The following LEPR variants were observed in gnomAD, a reference collection of about 807,000 sequenced individuals.
The protein encoded by LEPR is leptin receptor.
In LEPR, 56 loss-of-function variants were observed where a neutral mutation model predicts 114.7. That is an observed-to-expected ratio of 0.49 (90% CI 0.39 to 0.61). The LOEUF (loss-of-function observed/expected upper bound fraction) is 0.61. Among genes scored for constraint, LEPR ranks in the 20% least tolerant of loss-of-function variants. The probability of loss-of-function intolerance (pLI) is 0.00; values close to 1 mark genes in which losing one functional copy is unlikely to be tolerated. For missense variants in LEPR, 1,202 were observed against 1,352.9 expected, an observed-to-expected ratio of 0.89 and a Z score of 1.75; for synonymous variants, 443 against 461.4, an observed-to-expected ratio of 0.96 and a Z score of 0.51.
intron 2 of LEPR, among the ~76,000 whole-genome samples, chr1:65,563,251 T>C (rs1323949359): frequency 1.1e-5 from 1 of 91,652 alleles, no homozygotes; most frequent in African/African-American, 4.3e-5. Context: ...CTTTGCTCAT[T>C]TCTTTTTATT....
In LEPR at chr1:65,546,601, T is replaced by G. The variant is rs139312264; in HGVS notation, c.-20-18945T>G. 6.7e-3 allele frequency among the ~76,000 whole-genome samples: 1,021 copies of G among 152,326 alleles called. 9 individuals are homozygous for G. The highest frequency in any genetic ancestry group is 0.011 in the Non-Finnish European group (780 of 68,020). ...AATGGGAGTTCACTCATGATTTGGC[T>G]CTCTGTTTGTCTGTTATTGGTGTAT... On this transcript the variant is annotated intron_variant, in intron 2 of 19. Transcript: ENST00000349533.
intron 1 of LEPR, among the ~76,000 whole-genome samples, chr1:65,421,136 TG>T (rs1570405301): frequency 6.6e-6 from 1 of 152,344 alleles, no homozygotes; most frequent in East Asian, 1.9e-4. Context: ...AAGGACCCTT[TG>T]TCTCCAGCGT....
intron 1 of LEPR, among the ~76,000 whole-genome samples, chr1:65,422,985 G>C (rs1192172629): frequency 6.6e-6 from 1 of 152,196 alleles, no homozygotes; most frequent in Non-Finnish European, 1.5e-5. Context: ...CTGTAGCAGA[G>C]AGTTTAAGAA....
At chr1:65,458,110 C>A (rs1646900407) in intron 2 of LEPR, among the ~76,000 whole-genome samples, 1 of 152,198 alleles carries the variant, frequency 6.6e-6, no homozygotes, top group African/African-American at 2.4e-5. Context: ...AGGAAATCCA[C>A]AAACCTCAAA....
intron 14 of LEPR, among the ~76,000 whole-genome samples, chr1:65,611,377 G>A (rs897752105): frequency 2.6e-5 from 4 of 152,202 alleles, no homozygotes; most frequent in Admixed American, 6.5e-5. Context: ...CACCGCGGAA[G>A]GGGGCACTGC....
intron 2 of LEPR, chr1:65,435,729 A>G (rs1451685680): frequency 1.0e-6 from 1 of 985,290 alleles, no homozygotes; most frequent in Non-Finnish European, 1.2e-6. Flanking sequence ...CAAAATATTT[A>G]TGAGGATGCT....
intron 2 of LEPR, among the ~76,000 whole-genome samples, chr1:65,461,581 G>C (rs1646946434): frequency 6.6e-6 from 1 of 152,124 alleles, no homozygotes; most frequent in Admixed American, 6.5e-5. Context: ...ATAAATGATT[G>C]AATAAATAAA....
intron 14 of LEPR, among the ~76,000 whole-genome samples, chr1:65,613,246 T>G (rs928007236): frequency 6.6e-6 from 1 of 152,206 alleles, no homozygotes; most frequent in African/African-American, 2.4e-5. Flanking sequence ...CTCTTTTAAT[T>G]GACTCATGTT....
In LEPR at chr1:65,535,594, T is replaced by C. The variant is rs9887835; in HGVS notation, c.-20-29952T>C. On this transcript the variant is annotated intron_variant, in intron 2 of 19. Coordinates refer to ENST00000349533, the MANE Select transcript of LEPR (RefSeq NM_002303.6). Reference sequence around the variant, plus strand: ...TCAAACTCCTGAACTCAAGTGATCCTCCCGCTTTGGCCTCCCAAAGCGCAG... The same window carrying C: ...TCAAACTCCTGAACTCAAGTGATCCCCCCGCTTTGGCCTCCCAAAGCGCAG... Among the ~76,000 whole-genome samples, 599 of 151,994 alleles carry C rather than the reference T, an allele frequency of 3.9e-3. 8 individuals are homozygous for C. Among genetic ancestry groups the C allele is most frequent in the African/African-American group, 0.013 (558 of 41,452 alleles).
At chr1:65,446,206 A>G (rs1335041503) in intron 2 of LEPR, among the ~76,000 whole-genome samples, 1 of 152,188 alleles carries the variant, frequency 6.6e-6, no homozygotes, top group African/African-American at 2.4e-5. Flanking sequence ...GTGGCTGTAC[A>G]ATTTTGCATT....
chr1:65,542,353 C>T (rs1052454827), intron 2 of LEPR, among the ~76,000 whole-genome samples: 1 of 151,474 alleles, frequency 6.6e-6, no homozygotes, highest in Non-Finnish European at 1.5e-5. Flanking sequence ...TTATTATATA[C>T]TTTAATTGAT....
intron 2 of LEPR, among the ~76,000 whole-genome samples, chr1:65,442,027 C>A (rs1443211695): frequency 3.9e-5 from 6 of 152,022 alleles, no homozygotes; most frequent in Non-Finnish European, 8.8e-5. Context: ...GAGAAGAGGA[C>A]AGCAAAGAGG....
chr1:65,623,809 C>G (rs1014838636), intron 19 of LEPR, among the ~76,000 whole-genome samples: 19 of 152,110 alleles, frequency 1.2e-4, no homozygotes, highest in African/African-American at 4.6e-4. Context: ...TACTCAAGGA[C>G]CTCTTTCTAC....
chr1:65,493,372 A>AT (rs1647980358), intron 2 of LEPR, among the ~76,000 whole-genome samples: 1 of 151,948 alleles, frequency 6.6e-6, no homozygotes, highest in East Asian at 1.9e-4. Flanking sequence ...AACTTCTTGG[A>AT]TTTTTTTCTA....
intron 2 of LEPR, among the ~76,000 whole-genome samples, chr1:65,478,559 G>A (rs898560986): frequency 6.6e-6 from 1 of 152,082 alleles, no homozygotes; most frequent in Non-Finnish European, 1.5e-5. Flanking sequence ...ATGCTTGCTC[G>A]TCTGCAGTTC....
chr1:65,455,785 C>T (rs1452021249), intron 2 of LEPR, among the ~76,000 whole-genome samples: 1 of 152,212 alleles, frequency 6.6e-6, no homozygotes, highest in East Asian at 1.9e-4. Flanking sequence ...GCAGGCAGGC[C>T]TCTTTGAGCT....
chr1:65,569,307 G>T (rs957169932), intron 3 of LEPR, among the ~76,000 whole-genome samples: 2 of 151,974 alleles, frequency 1.3e-5, no homozygotes, highest in Non-Finnish European at 2.9e-5. Flanking sequence ...CTCAGAATTC[G>T]TATTCTGCAT....
intron 2 of LEPR, among the ~76,000 whole-genome samples, chr1:65,445,140 G>T (rs766585414): frequency 2.0e-5 from 3 of 152,146 alleles, no homozygotes; most frequent in Non-Finnish European, 4.4e-5. Context: ...ACCATCTTGG[G>T]TACATCCAAG....
chr1:65,517,660 A>G (rs539320520), intron 2 of LEPR, among the ~76,000 whole-genome samples: 2 of 152,372 alleles, frequency 1.3e-5, no homozygotes, highest in East Asian at 3.9e-4. Context: ...TTTGAATAAT[A>G]GTCTTCGATG....
Sources: gnomAD v4.1 joint callset for allele counts (sites outside exome capture counted in the v4.1 genomes callset) on GRCh38, gnomAD v4.1.1 for gene constraint, MANE v1.5 for transcripts, NCBI Gene and HGNC (gene_info 2026-07-23, HGNC 2026-07-21) for gene names.